The following TTC22 variants were observed in gnomAD, a reference collection of about 807,000 sequenced individuals.
TTC22 encodes the protein tetratricopeptide repeat protein 22.
TTC22 carries 42 observed loss-of-function variants against 48.2 expected under a neutral mutation model. That is an observed-to-expected ratio of 0.87 (90% CI 0.68 to 1.13). TTC22 has a LOEUF of 1.13. Ranked by LOEUF, TTC22 falls within the 50% of genes most tolerant of loss-of-function variation. TTC22 has a pLI of 0.00. For missense variants in TTC22, 784 were observed against 807.0 expected, an observed-to-expected ratio of 0.97 and a Z score of 0.34; for synonymous variants, 345 against 365.5, an observed-to-expected ratio of 0.94 and a Z score of 0.64.
intron 5 of TTC22, 105 bp from the exon 6 acceptor site, chr1:54,782,582 G>A: frequency 8.0e-7 from 1 of 1,243,686 alleles, no homozygotes; most frequent in Non-Finnish European, 1.1e-6. Context: ...AACCAGGGAG[G>A]TTATGTGTTG....
intron 1 of TTC22, among the ~76,000 whole-genome samples, chr1:54,800,109 C>T (rs941602735): frequency 6.6e-6 from 1 of 152,162 alleles, no homozygotes; most frequent in Non-Finnish European, 1.5e-5. Context: ...CACATCTTCT[C>T]TTACTGAAGC....
chr1:54,787,724 G>A lies in TTC22; in HGVS notation c.726C>T (p.Asp242=). 1.2e-6 allele frequency: 2 copies of A among 1,612,640 alleles called. No individual in the cohort carries two copies. Among genetic ancestry groups the A allele is most frequent in the Admixed American group, 1.7e-5 (1 of 59,912 alleles). The change falls in exon 3 of 7, where the codon GAC becomes GAT. Residue 242 remains aspartate, a synonymous_variant. Coordinates refer to ENST00000371276, the MANE Select transcript of TTC22 (RefSeq NM_001114108.2). The part of the protein sequence containing the change: ...ALLRQVLKSE[D]PRHRALAWCY... ...CCGGGTCCCCACCTCGGTGGCGGGG[G>A]TCCTCGGACTTCAGCACTTGCCGGA...
chr1:54,785,741 A>C, intron 5 of TTC22: 2 of 495,822 alleles, frequency 4.0e-6, no homozygotes, highest in Non-Finnish European at 7.4e-6. Flanking sequence ...TGAGCTTAGG[A>C]GGTCTAGGCT....
chr1:54,794,820 T>G (rs1646377511), intron 1 of TTC22: 1 of 152,452 alleles, frequency 6.6e-6, no homozygotes, highest in Non-Finnish European at 1.5e-5. Context: ...AGTTCAGATC[T>G]GCCTCCCTCC....
Position 54,782,348 on chromosome 1 carries a change from T to A in TTC22, c.1150A>T (p.Lys384Ter), listed in dbSNP as rs1646269582. The change falls in exon 6 of 7, where the codon AAG becomes TAG. Residue 384 changes from lysine to a stop codon, truncating the protein, a stop_gained. Transcript: ENST00000371276. LOFTEE classifies it high-confidence loss of function. Reference sequence around the variant, plus strand: ...ACCTGGCCGATGTCCAGGTACGCCTTGAAGCCTGGGCACACCCTGACCACT... The same window carrying A: ...ACCTGGCCGATGTCCAGGTACGCCTAGAAGCCTGGGCACACCCTGACCACT... The part of the protein sequence containing the change: ...EEVVRVCPGF[K>*]AYLDIGQVYY... 13 of 1,546,800 alleles carry A rather than the reference T, an allele frequency of 8.4e-6. No individual in the cohort carries two copies. In the East Asian group the frequency reaches 3.2e-4, roughly 38 times the overall value.
At chr1:54,786,315 C>T (rs1646300927) in intron 4 of TTC22, 171 bp from the exon 5 acceptor site, 4 of 597,188 alleles carry the variant, frequency 6.7e-6, no homozygotes, top group Admixed American at 6.1e-5. Flanking sequence ...CATCACGAAG[C>T]CCCAACACCT....
intron 5 of TTC22, among the ~76,000 whole-genome samples, chr1:54,783,649 G>A (rs186425940): frequency 4.3e-4 from 66 of 152,310 alleles, no homozygotes; most frequent in African/African-American, 1.3e-3. Context: ...GTGTGTAAGG[G>A]AGTGATTAGT....
chr1:54,781,787 C>G lies in TTC22; in HGVS notation c.1174-8G>C, dbSNP rs887620931. On this transcript the variant is annotated splice_region_variant and splice_polypyrimidine_tract_variant and intron_variant, in intron 6 of 6. Transcript: ENST00000371276. ...GCCCATATAGTAGTAGACCTGGGGTCGGGGACGCGGGGTGAGCCCTTCACC... is the reference window on the plus strand; with the variant it reads ...GCCCATATAGTAGTAGACCTGGGGTGGGGGACGCGGGGTGAGCCCTTCACC... 9.3e-5 allele frequency: 131 copies of G among 1,408,126 alleles called. No homozygotes were observed. Among genetic ancestry groups the G allele is most frequent in the Non-Finnish European group, 1.1e-4 (122 of 1,084,538 alleles). 87.2% of individuals were successfully genotyped at this position (1,408,126 alleles called of 1,614,324 possible).
intron 1 of TTC22, among the ~76,000 whole-genome samples, chr1:54,789,520 A>G (rs1045799220): frequency 2.0e-5 from 3 of 152,206 alleles, no homozygotes; most frequent in Admixed American, 6.5e-5. Flanking sequence ...TGTGAGTCAG[A>G]TCCCACCAAC....
rs759761175 is a variant in TTC22, at chr1:54,782,432, C to A, written c.1066G>T (p.Gly356Cys). 1.7e-4 allele frequency: 256 copies of A among 1,551,260 alleles called. No homozygotes were observed. Among genetic ancestry groups the A allele is most frequent in the Middle Eastern group, 1.7e-4 (1 of 6,012 alleles). Residue 356 changes from glycine to cysteine, a missense_variant, in exon 6 of 7, where the codon GGT becomes TGT. Coordinates refer to ENST00000371276, the MANE Select transcript of TTC22 (RefSeq NM_001114108.2). ...TTCCTGTCAGGCATGCCCCCGAGAC[C>A]CATCTTGGCCCGCTTGAGGTCATGC... ...YLHDLKRAKMGLGGMPDRNHL... is the reference protein window; with the variant it reads ...YLHDLKRAKMCLGGMPDRNHL...
At position 54,800,763 on chromosome 1, in the gene TTC22, T is replaced by C; in HGVS notation, c.401A>G (p.Glu134Gly). The change falls in exon 1 of 7, where the codon GAG (glutamate) becomes GGG (glycine). Residue 134 changes from glutamate (E) to glycine (G), a missense_variant. By Grantham distance (98) the Glu-to-Gly change is moderately conservative. Coordinates refer to ENST00000371276, the MANE Select transcript of TTC22 (RefSeq NM_001114108.2). Reference sequence around the variant, plus strand: ...GGGGTCCCCGGCGGCCTCGGGCTCCTCTGCCAGGCCCATGAGGTCGGCCAG... The same window carrying C: ...GGGGTCCCCGGCGGCCTCGGGCTCCCCTGCCAGGCCCATGAGGTCGGCCAG... ...ARLADLMGLAEEPEAAGDPQL... is the reference protein window; with the variant it reads ...ARLADLMGLAGEPEAAGDPQL... 1 of 1,552,112 alleles carries C rather than the reference T, an allele frequency of 6.4e-7. No individual in the cohort carries two copies. Among genetic ancestry groups the C allele is most frequent in the African/African-American group, 1.4e-5 (1 of 73,498 alleles).
At position 54,798,885 on chromosome 1, in the gene TTC22, G is replaced by A. The variant is rs145400594; in HGVS notation, c.567+1712C>T. ...GGAACTCAGGCAAGTCACAAGAGAC[G>A]ACAAGTGACTTGTCCACAGCCACAC... On this transcript the variant is annotated intron_variant, in intron 1 of 6. Transcript: ENST00000371276. Among the ~76,000 whole-genome samples, 96 of 152,280 alleles carry A rather than the reference G, an allele frequency of 6.3e-4. 3 individuals carry two copies. In the East Asian group the frequency reaches 0.013, roughly 20 times the overall value.
chr1:54,791,197 G>A (rs984661336), intron 1 of TTC22, among the ~76,000 whole-genome samples: 1 of 152,162 alleles, frequency 6.6e-6, no homozygotes, highest in South Asian at 2.1e-4. Flanking sequence ...CATGACCTCT[G>A]GTCCCTCACC....
intron 5 of TTC22, chr1:54,784,715 G>A (rs1408592130): frequency 2.4e-6 from 3 of 1,229,752 alleles, no homozygotes; most frequent in African/African-American, 3.2e-5. Flanking sequence ...AAGACTGGGA[G>A]TAGATTTGCC....
intron 5 of TTC22, 79 bp from the exon 6 acceptor site, chr1:54,782,556 T>C: frequency 7.2e-7 from 1 of 1,390,832 alleles, no homozygotes; most frequent in Non-Finnish European, 9.5e-7. Flanking sequence ...ATGAACCCAG[T>C]CTTTTTTTCA....
intron 6 of TTC22, 139 bp downstream of exon 6, chr1:54,782,186 A>T: frequency 1.2e-6 from 1 of 830,188 alleles, no homozygotes; most frequent in Non-Finnish European, 1.8e-6. Context: ...TTCAGTCCTC[A>T]CCACGGCTGG....
chr1:54,781,483 G>A lies in TTC22; in HGVS notation c.1470C>T (p.Asp490=). Residue 490 remains aspartate (D), a synonymous_variant, in exon 7 of 7, where the codon GAC becomes GAT. Transcript: ENST00000371276. The stretch of plus-strand genomic sequence containing the variant: ...CGTCCACCTCGCGGCCCAGCTCCCC[G>A]TCGCTCAGCTGTGCCTGGCTCCACT... ...LAQWSQAQLS[D]GELGREVDAW... is the part of the protein sequence containing the mutation. 2 of 1,477,052 alleles carry A rather than the reference G, an allele frequency of 1.4e-6. No homozygotes were observed. Among genetic ancestry groups the A allele is most frequent in the Non-Finnish European group, 8.9e-7 (1 of 1,123,346 alleles). 91.5% of individuals were successfully genotyped at this position (1,477,052 alleles called of 1,614,324 possible).
intron 3 of TTC22, chr1:54,787,303 A>T: frequency 1.8e-6 from 1 of 544,402 alleles, no homozygotes. Flanking sequence ...TCATCGGGGG[A>T]CCTAATTTCA....
In TTC22 at chr1:54,787,022, T is replaced by C. The variant is rs1412266138; in HGVS notation, c.793A>G (p.Thr265Ala). 5 of 1,558,490 alleles carry C rather than the reference T, an allele frequency of 3.2e-6. No individual in the cohort carries two copies. The highest frequency in any genetic ancestry group is 1.4e-5 in the African/African-American group (1 of 73,318). Residue 265 changes from threonine to alanine, a missense_variant, in exon 4 of 7, where the codon ACC becomes GCC. Thr to Ala is a moderately conservative substitution (Grantham distance 58, BLOSUM62 0). Transcript: ENST00000371276. ...MLLERKDTFS[T>A]TPMGVHDCGY... ...CAGTCATGGACGCCCATGGGGGTGG[T>C]GGAGAAGGTGTCCTTCCGCTCCAGC...
Sources: gnomAD v4.1 joint callset for allele counts (sites outside exome capture counted in the v4.1 genomes callset) on GRCh38, gnomAD v4.1.1 for gene constraint, MANE v1.5 for transcripts, NCBI Gene and HGNC (gene_info 2026-07-23, HGNC 2026-07-21) for gene names.